KCNIP4: variants seen among roughly 807,000 people sequenced by gnomAD.
KCNIP4 encodes the protein Kv channel-interacting protein 4.
KCNIP4 carries 12 observed loss-of-function variants against 34.0 expected under a neutral mutation model. That is an observed-to-expected ratio of 0.35 (90% CI 0.23 to 0.57). The LOEUF (loss-of-function observed/expected upper bound fraction) is 0.57, where lower values mean the gene tolerates loss of function less well. Ranked by LOEUF, KCNIP4 falls within the 20% of genes least tolerant of loss-of-function variation. KCNIP4 has a pLI of 0.83. For missense variants in KCNIP4, 238 were observed against 311.7 expected (o/e 0.76, Z 1.78); for synonymous variants, 124 against 102.2 (o/e 1.21, Z -1.29).
Position 20,730,026 on chromosome 4 carries a change from T to TAA in KCNIP4, c.*54_*55dup, listed in dbSNP as rs1747576202. The TAA allele has an allele frequency of 6.4e-7, 1 of 1,555,882 alleles. No individual in the cohort carries two copies. Among genetic ancestry groups the TAA allele is most frequent in the Non-Finnish European group, 8.7e-7 (1 of 1,154,166 alleles). On this transcript the variant is annotated 3_prime_UTR_variant, in exon 9 of 9. Coordinates refer to ENST00000382152, the MANE Select transcript of KCNIP4 (RefSeq NM_025221.6). Reference sequence around the variant, plus strand: ...ATGCTAAAAGTGGTAGCTCCAACTTTAAGGGTGGTAGAATAGTTCACATTT... The same window carrying TAA: ...ATGCTAAAAGTGGTAGCTCCAACTTTAAAAGGGTGGTAGAATAGTTCACATTT...
chr4:21,794,730 T>A lies in KCNIP4; in HGVS notation c.61+153841A>T, dbSNP rs1022665771. ...CCAGCTCTACTAAAAATACAAAAAA[T>A]TAGCCAGGAGTGGTGGCATGCACCT... On this transcript the variant is annotated intron_variant, in intron 1 of 8. Transcript: ENST00000382152. Among the ~76,000 whole-genome samples, 4 of 152,070 alleles carry A rather than the reference T, an allele frequency of 2.6e-5. No individual in the cohort carries two copies. In the East Asian group the frequency reaches 5.8e-4, roughly 22 times the overall value.
chr4:20,944,192 C>CA (rs1263907884), intron 1 of KCNIP4, among the ~76,000 whole-genome samples: 4 of 152,184 alleles, frequency 2.6e-5, no homozygotes, highest in African/African-American at 9.6e-5. Context: ...CCACGTTGAT[C>CA]ATGCTCCATT....
intron 1 of KCNIP4, among the ~76,000 whole-genome samples, chr4:21,469,341 T>C (rs926311453): frequency 5.3e-5 from 8 of 152,248 alleles, no homozygotes; most frequent in East Asian, 1.9e-4. Flanking sequence ...CCACCGCACC[T>C]GGCCAATATA....
intron 1 of KCNIP4, among the ~76,000 whole-genome samples, chr4:21,247,328 T>C (rs1161682186): frequency 6.6e-6 from 1 of 152,002 alleles, no homozygotes; most frequent in African/African-American, 2.4e-5. Flanking sequence ...TAAGACTAGA[T>C]ACTGGGCAAG....
intron 1 of KCNIP4, among the ~76,000 whole-genome samples, chr4:21,471,313 G>T (rs568301484): frequency 1.3e-5 from 2 of 152,166 alleles, no homozygotes; most frequent in East Asian, 3.9e-4. Flanking sequence ...CCTCATTTCA[G>T]CTGTGGATTC....
At chr4:21,074,295 A>G (rs1745269270) in intron 1 of KCNIP4, among the ~76,000 whole-genome samples, 2 of 152,164 alleles carry the variant, frequency 1.3e-5, no homozygotes, top group African/African-American at 4.8e-5. Flanking sequence ...TAAGCTATTA[A>G]TTATTGCCTC....
intron 1 of KCNIP4, among the ~76,000 whole-genome samples, chr4:21,393,280 T>C (rs532003849): frequency 1.6e-4 from 24 of 152,124 alleles, no homozygotes; most frequent in African/African-American, 5.5e-4. Context: ...GGGTGTTGCA[T>C]TTTTTTGCTT....
At chr4:21,099,319 G>C (rs192425106) in intron 1 of KCNIP4, among the ~76,000 whole-genome samples, 4 of 152,230 alleles carry the variant, frequency 2.6e-5, no homozygotes, top group Admixed American at 2.0e-4. Flanking sequence ...CCCTTTGCAC[G>C]GATGGAGCTG....
At chr4:21,221,672 G>C (rs1468783082) in intron 1 of KCNIP4, among the ~76,000 whole-genome samples, 2 of 152,250 alleles carry the variant, frequency 1.3e-5, no homozygotes, top group Admixed American at 1.3e-4. Context: ...GGGACACAAA[G>C]CCTAACCATA....
chr4:20,878,864 C>A (rs192729384), intron 2 of KCNIP4, among the ~76,000 whole-genome samples: 1 of 152,074 alleles, frequency 6.6e-6, no homozygotes, highest in African/African-American at 2.4e-5. Context: ...TGGCTCAGAG[C>A]TGTAGCAAAA....
At chr4:21,275,834 C>A (rs1327609896) in intron 1 of KCNIP4, among the ~76,000 whole-genome samples, 4 of 152,114 alleles carry the variant, frequency 2.6e-5, no homozygotes, top group African/African-American at 9.7e-5. Flanking sequence ...TCAAGCAGTA[C>A]TTTACTATGA....
Position 21,234,793 on chromosome 4 carries a change from G to A in KCNIP4, c.62-352084C>T, listed in dbSNP as rs188243573. On this transcript the variant is annotated intron_variant, in intron 1 of 8. Transcript: ENST00000382152. ...CTCCTGAGTAGCTGAGATTACAGGTGCCCGCTACCATGCCCAGCTAATTTT... is the reference window on the plus strand; with the variant it reads ...CTCCTGAGTAGCTGAGATTACAGGTACCCGCTACCATGCCCAGCTAATTTT... 4.4e-4 allele frequency among the ~76,000 whole-genome samples: 67 copies of A among 151,506 alleles called. 1 individual carries two copies. The highest frequency in any genetic ancestry group is 1.6e-3 in the African/African-American group (65 of 41,306).
chr4:20,969,853 A>C (rs963769230), intron 1 of KCNIP4, among the ~76,000 whole-genome samples: 2 of 152,078 alleles, frequency 1.3e-5, no homozygotes, highest in African/African-American at 4.8e-5. Context: ...AATCTATATA[A>C]AATTTTATAG....
intron 1 of KCNIP4, among the ~76,000 whole-genome samples, chr4:21,841,548 A>G (rs187430861): frequency 3.3e-4 from 50 of 152,286 alleles, no homozygotes; most frequent in Non-Finnish European, 6.5e-4. Flanking sequence ...TTATTTCTGC[A>G]TAAGTGATCA....
At position 21,685,175 on chromosome 4, in the gene KCNIP4, C is replaced by T. The variant is rs528997492; in HGVS notation, c.61+263396G>A. ...TTTTAAAATCAATAGAAAGTGAACA[C>T]ATTTTAACATTTTCTAAGGAATTTA... On this transcript the variant is annotated intron_variant, in intron 1 of 8. Transcript: ENST00000382152. Among the ~76,000 whole-genome samples, 140 of 152,250 alleles carry T rather than the reference C, an allele frequency of 9.2e-4. 4 individuals carry two copies. The South Asian group carries it at 0.022, about 24-fold the overall frequency.
intron 1 of KCNIP4, among the ~76,000 whole-genome samples, chr4:21,123,268 C>T (rs1750328637): frequency 6.6e-6 from 1 of 152,018 alleles, no homozygotes; most frequent in Non-Finnish European, 1.5e-5. Context: ...TTATTTATCT[C>T]ATTTATATTT....
intron 1 of KCNIP4, among the ~76,000 whole-genome samples, chr4:21,736,992 A>G (rs1716037030): frequency 6.6e-6 from 1 of 151,818 alleles, no homozygotes; most frequent in African/African-American, 2.4e-5. Context: ...TGTTGTGCAC[A>G]TGTACCCTAG....
chr4:21,435,685 C>A (rs918667904), intron 1 of KCNIP4, among the ~76,000 whole-genome samples: 8 of 152,044 alleles, frequency 5.3e-5, no homozygotes, highest in Admixed American at 6.6e-5. Flanking sequence ...TTAATAAAGG[C>A]ACATTTTCTA....
intron 1 of KCNIP4, among the ~76,000 whole-genome samples, chr4:21,468,704 A>G (rs1730199027): frequency 6.6e-6 from 1 of 152,200 alleles, no homozygotes; most frequent in African/African-American, 2.4e-5. Flanking sequence ...TTAGAGACTG[A>G]TTTTTGGATC....
Sources: gnomAD v4.1 joint callset for allele counts (sites outside exome capture counted in the v4.1 genomes callset) on GRCh38, gnomAD v4.1.1 for gene constraint, MANE v1.5 for transcripts, NCBI Gene and HGNC (gene_info 2026-07-23, HGNC 2026-07-21) for gene names.